The following DST variants were observed in gnomAD, a reference collection of about 807,000 sequenced individuals.
DST encodes the protein bullous pemphigoid antigen.
In DST, 253 loss-of-function variants were observed where a neutral mutation model predicts 875.2. That is an observed-to-expected ratio of 0.29 (90% CI 0.26 to 0.32). The LOEUF (loss-of-function observed/expected upper bound fraction) is 0.32, where lower values mean the gene tolerates loss of function less well. DST is among the 10% of genes least tolerant of loss of function. The pLI is 1.00. For missense variants in DST, 8,287 were observed against 9,111.6 expected (o/e 0.91, Z 3.68); for synonymous variants, 3,124 against 3,197.1 (o/e 0.98, Z 0.77).
At chr6:56,704,611 A>G (rs2099325580) in intron 5 of DST, among the ~76,000 whole-genome samples, 1 of 152,248 alleles carries the variant, frequency 6.6e-6, no homozygotes, top group South Asian at 2.1e-4. Flanking sequence ...AGACACCAGA[A>G]CAAACATAAG....
At chr6:56,631,789 A>G (rs2152760357) in intron 29 of DST, 94 bp downstream of exon 29, 1 of 1,134,544 alleles carries the variant, frequency 8.8e-7, no homozygotes, top group Non-Finnish European at 1.3e-6. Context: ...GGCTAGTGTG[A>G]GTGTGCAAAA....
chr6:56,866,901 C>G (rs773784494), intron 3 of DST, among the ~76,000 whole-genome samples: 2 of 152,186 alleles, frequency 1.3e-5, no homozygotes, highest in African/African-American at 4.8e-5. Flanking sequence ...ATGTACTCAA[C>G]GAGTTCCAAT....
intron 10 of DST, among the ~76,000 whole-genome samples, chr6:56,666,211 CAT>C (rs1472616960): frequency 6.6e-6 from 1 of 151,978 alleles, no homozygotes; most frequent in East Asian, 1.9e-4. Flanking sequence ...TTTCAAGAGT[CAT>C]ATTCTATATG....
intron 2 of DST, among the ~76,000 whole-genome samples, chr6:56,913,844 C>T (rs1799744785): frequency 6.6e-6 from 1 of 152,204 alleles, no homozygotes. Flanking sequence ...GTTATTTCAT[C>T]AAACACATAG....
chr6:56,516,063 C>T (rs2096579348), intron 71 of DST, among the ~76,000 whole-genome samples: 2 of 150,870 alleles, frequency 1.3e-5, no homozygotes, highest in Admixed American at 6.6e-5. Flanking sequence ...TATATATACA[C>T]ACACACATAT....
rs923137605 is a variant in DST at position 56,606,246 on chromosome 6, A to G, written c.8382T>C (p.Tyr2794=). ...CATTACTGTCATATATATAATCCCC[A>G]TAACTTTCTTCACTTTGCATAGAAT... ...HLDSMQSEES[Y]GDYIYDSNDQ... is the part of the protein sequence containing the mutation. The change falls in exon 40 of 104, where the codon TAT becomes TAC. Residue 2794 remains tyrosine (Y), a synonymous_variant. Transcript: ENST00000680361. The G allele has an allele frequency of 7.7e-6, 12 of 1,568,006 alleles. No individual in the cohort carries two copies. Among genetic ancestry groups the G allele is most frequent in the African/African-American group, 4.1e-5 (3 of 73,854 alleles).
chr6:56,903,283 CACTT>C (rs1794945393), intron 2 of DST, among the ~76,000 whole-genome samples: 2 of 152,028 alleles, frequency 1.3e-5, no homozygotes, highest in South Asian at 2.1e-4. Context: ...ATTCTAGAAA[CACTT>C]AGGGAGAAAA....
At chr6:56,696,408 T>C (rs1197057146) in intron 9 of DST, among the ~76,000 whole-genome samples, 1 of 152,266 alleles carries the variant, frequency 6.6e-6, no homozygotes, top group African/African-American at 2.4e-5. Context: ...GTGATCCACC[T>C]GCCTCGGCCT....
chr6:56,774,995 A>G (rs1299993827), intron 4 of DST, among the ~76,000 whole-genome samples: 1 of 149,776 alleles, frequency 6.7e-6, no homozygotes, highest in East Asian at 1.9e-4. Context: ...TCCATCTCAA[A>G]AAAAAAAAAA....
At chr6:56,537,006 C>A in intron 61 of DST, 66 bp from the exon 62 acceptor site, 2 of 1,434,216 alleles carry the variant, frequency 1.4e-6, no homozygotes, top group Non-Finnish European at 9.6e-7. Context: ...ATATAATAAG[C>A]ATTTCTTTAG....
At chr6:56,569,483 C>T (rs892923974) in intron 54 of DST, among the ~76,000 whole-genome samples, 5 of 152,072 alleles carry the variant, frequency 3.3e-5, no homozygotes, top group African/African-American at 1.2e-4. Flanking sequence ...TCCAAATACT[C>T]TTTATAGTAA....
chr6:56,559,122 C>T (rs984513203), intron 58 of DST, among the ~76,000 whole-genome samples: 1 of 152,118 alleles, frequency 6.6e-6, no homozygotes, highest in African/African-American at 2.4e-5. Context: ...TGAAACCTTA[C>T]CTAATAACAT....
intron 23 of DST, among the ~76,000 whole-genome samples, chr6:56,635,990 A>G (rs1294249088): frequency 6.6e-6 from 1 of 152,168 alleles, no homozygotes; most frequent in African/African-American, 2.4e-5. Flanking sequence ...GATTTAAACA[A>G]TTTTTAAGTA....
intron 3 of DST, among the ~76,000 whole-genome samples, chr6:56,868,759 G>A (rs947577974): frequency 6.6e-6 from 1 of 152,088 alleles, no homozygotes; most frequent in Non-Finnish European, 1.5e-5. Flanking sequence ...TGGAGTTTTA[G>A]GTTCAACTCC....
At chr6:56,928,107 C>T (rs1592600000) in intron 2 of DST, among the ~76,000 whole-genome samples, 1 of 152,146 alleles carries the variant, frequency 6.6e-6, no homozygotes, top group East Asian at 1.9e-4. Flanking sequence ...GGGAGCACTG[C>T]CTAGCTGCTG....
chr6:56,841,058 C>A (rs2099799333), intron 4 of DST, among the ~76,000 whole-genome samples: 1 of 152,094 alleles, frequency 6.6e-6, no homozygotes, highest in African/African-American at 2.4e-5. Flanking sequence ...AGTGAGCAAC[C>A]GTACTCTGAA....
At chr6:56,638,881 A>T (rs1346448091) in intron 22 of DST, 2 of 285,060 alleles carry the variant, frequency 7.0e-6, no homozygotes, top group Non-Finnish European at 1.3e-5. Flanking sequence ...TTCTCATCAC[A>T]ACTCTATGGA....
At chr6:56,674,512 G>A (rs1258874521) in intron 9 of DST, among the ~76,000 whole-genome samples, 1 of 152,092 alleles carries the variant, frequency 6.6e-6, no homozygotes, top group Admixed American at 6.5e-5. Flanking sequence ...GGCCAGGCTG[G>A]TCTTGAACTC....
At chr6:56,701,351 G>A (rs9918490) in intron 8 of DST, among the ~76,000 whole-genome samples, 17,653 of 151,838 alleles carry the variant, frequency 0.12, 1,125 homozygotes, top group African/African-American at 0.18. Flanking sequence ...CAAGCAAGTT[G>A]GGGGCTATTG....
Sources: gnomAD v4.1 joint callset for allele counts (sites outside exome capture counted in the v4.1 genomes callset) on GRCh38, gnomAD v4.1.1 for gene constraint, MANE v1.5 for transcripts, NCBI Gene and HGNC (gene_info 2026-07-23, HGNC 2026-07-21) for gene names.